FAM20C: variants seen among roughly 807,000 people sequenced by gnomAD.
The protein encoded by FAM20C is FAM20C golgi associated secretory pathway kinase, also known as extracellular serine/threonine protein kinase FAM20C.
FAM20C carries 40 observed loss-of-function variants against 51.5 expected under a neutral mutation model. That is an observed-to-expected ratio of 0.78 (90% CI 0.60 to 1.01). FAM20C has a LOEUF of 1.01. Ranked by LOEUF, FAM20C falls within the 50% of genes least tolerant of loss-of-function variation. The pLI, the probability that FAM20C is intolerant of heterozygous loss-of-function variation, is 0.00. For synonymous variants in FAM20C, 406 were observed against 380.6 expected, an observed-to-expected ratio of 1.07 and a Z score of -0.78; for missense variants, 861 against 844.7, an observed-to-expected ratio of 1.02 and a Z score of -0.24.
At position 192,864 on chromosome 7, in the gene FAM20C, C is replaced by G. The variant is rs1785624726; in HGVS notation, c.-336C>G. On this transcript the variant is annotated 5_prime_UTR_variant, in exon 1 of 10. Coordinates refer to ENST00000313766, the MANE Select transcript of FAM20C (RefSeq NM_020223.4). ...ATGGACCCACACGCCCGATGAGCCCCGCGCCGGCGGCTGCGAGCGCCGAGC... is the reference window on the plus strand; with the variant it reads ...ATGGACCCACACGCCCGATGAGCCCGGCGCCGGCGGCTGCGAGCGCCGAGC... 1 of 148,396 alleles carries G rather than the reference C, an allele frequency of 6.7e-6. No homozygotes were observed. Among genetic ancestry groups the G allele is most frequent in the Non-Finnish European group, 1.5e-5 (1 of 66,644 alleles). 9.2% of individuals were successfully genotyped at this position (148,396 alleles called of 1,614,324 possible).
intron 3 of FAM20C, among the ~76,000 whole-genome samples, chr7:213,201 T>C (rs550161098): frequency 1.7e-4 from 23 of 133,146 alleles, no homozygotes; most frequent in East Asian, 4.4e-4. Flanking sequence ...GCTGTGGAGT[T>C]GTGCAGTGTG....
chr7:215,231 G>GC (rs912293006), intron 3 of FAM20C, among the ~76,000 whole-genome samples: 6 of 124,672 alleles, frequency 4.8e-5, no homozygotes, highest in South Asian at 5.6e-4. Flanking sequence ...CTCCAGCTGG[G>GC]GGGGGGAGCA....
Position 256,907 on chromosome 7 carries a change from G to A in FAM20C, c.1364-98G>A, listed in dbSNP as rs906739471. On this transcript the variant is annotated intron_variant, in intron 7 of 9. Coordinates refer to ENST00000313766, the MANE Select transcript of FAM20C (RefSeq NM_020223.4). Reference sequence around the variant, plus strand: ...AGGGGCCAGATTGCTTAGAGGTCACGCTGGCAGGAGGAGACGCCGCTCTGC... The same window carrying A: ...AGGGGCCAGATTGCTTAGAGGTCACACTGGCAGGAGGAGACGCCGCTCTGC... 5.6e-6 allele frequency: 8 copies of A among 1,439,054 alleles called. No individual in the cohort carries two copies. In the East Asian group the frequency reaches 7.4e-5, roughly 13 times the overall value. The allele number at this position is 1,439,054 out of a possible 1,614,324, so 89.1% of individuals were successfully genotyped here.
intron 2 of FAM20C, among the ~76,000 whole-genome samples, chr7:205,803 G>T (rs1460523997): frequency 6.6e-6 from 1 of 152,030 alleles, no homozygotes; most frequent in African/African-American, 2.4e-5. Flanking sequence ...GGAGGATTCA[G>T]TGTCCTCGGG....
chr7:202,528 T>C (rs1192964080), intron 2 of FAM20C, among the ~76,000 whole-genome samples: 34 of 113,744 alleles, frequency 3.0e-4, no homozygotes, highest in African/African-American at 6.7e-4. Flanking sequence ...GAATGGGGCT[T>C]GTGGACATCT....
At chr7:210,893 G>T (rs1786675811) in intron 3 of FAM20C, among the ~76,000 whole-genome samples, 1 of 152,180 alleles carries the variant, frequency 6.6e-6, no homozygotes, top group Non-Finnish European at 1.5e-5. Context: ...CGTCTCGTGG[G>T]CACTCGGTAG....
At chr7:211,304 C>G (rs1335960365) in intron 3 of FAM20C, among the ~76,000 whole-genome samples, 1 of 150,386 alleles carries the variant, frequency 6.6e-6, no homozygotes, top group Non-Finnish European at 1.5e-5. Context: ...TTAGACATCT[C>G]CCAGCCTCCT....
At chr7:243,944 A>ATTATTATTATTATT (rs1554254465) in intron 3 of FAM20C, among the ~76,000 whole-genome samples, 143 of 136,834 alleles carry the variant, frequency 1.0e-3, no homozygotes, top group African/African-American at 3.6e-3. Context: ...TAATAATAAT[A>ATTATTATTATTATT]ATTATTATTA....
At chr7:245,324 T>A (rs1438533004) in intron 3 of FAM20C, among the ~76,000 whole-genome samples, 1 of 152,174 alleles carries the variant, frequency 6.6e-6, no homozygotes, top group Non-Finnish European at 1.5e-5. Context: ...CCTGGAAAGG[T>A]CACCAGAGTT....
chr7:226,631 C>T (rs1422018935), intron 3 of FAM20C, among the ~76,000 whole-genome samples: 1 of 152,112 alleles, frequency 6.6e-6, no homozygotes, highest in African/African-American at 2.4e-5. Context: ...GGCGGCCGCT[C>T]CACCCCACTG....
chr7:251,828 A>G (rs537988629), intron 5 of FAM20C, among the ~76,000 whole-genome samples: 6 of 152,252 alleles, frequency 3.9e-5, no homozygotes, highest in Admixed American at 1.3e-4. Context: ...CTGAAATCCA[A>G]GACTTCCTCG....
chr7:209,254 A>G (rs1003860346), intron 3 of FAM20C, among the ~76,000 whole-genome samples: 3 of 152,186 alleles, frequency 2.0e-5, no homozygotes, highest in South Asian at 2.1e-4. Context: ...TATTTTAAAC[A>G]AGTAACCTGG....
At chr7:217,371 ACTG>A (rs1316543468) in intron 3 of FAM20C, among the ~76,000 whole-genome samples, 105 of 6,050 alleles carry the variant, frequency 0.017, no homozygotes, top group African/African-American at 0.048. Context: ...GTGGTCACAG[ACTG>A]GCTGTGGGTG....
In FAM20C at chr7:248,318, C is replaced by G. The variant is rs1335845666; in HGVS notation, c.960C>G (p.Ile320Met). ...TTCCCCGCCCGTTTCTTGCCAGGATCCTGGACTTCCGCCGGGTCCCTCCCG... is the reference window on the plus strand; with the variant it reads ...TTCCCCGCCCGTTTCTTGCCAGGATGCTGGACTTCCGCCGGGTCCCTCCCG... ...AEIAAFHLDR[I>M]LDFRRVPPVA... Residue 320 changes from isoleucine to methionine, a missense_variant, in exon 5 of 10, where the codon ATC becomes ATG. This residue lies in a region of FAM20C where 561 missense variants were observed against 499.8 expected (regional missense o/e 1.12). Coordinates refer to ENST00000313766, the MANE Select transcript of FAM20C (RefSeq NM_020223.4). 6.5e-7 allele frequency: 1 copy of G among 1,532,188 alleles called. No homozygotes were observed. The highest frequency in any genetic ancestry group is 8.7e-7 in the Non-Finnish European group (1 of 1,144,902). 94.9% of individuals were successfully genotyped at this position (1,532,188 alleles called of 1,614,324 possible).
chr7:252,591 A>G lies in FAM20C; in HGVS notation c.1073-3258A>G, dbSNP rs186208044. On this transcript the variant is annotated intron_variant, in intron 5 of 9. Transcript: ENST00000313766. ...CCCTCGGCCTCCCGTGGCCTGAGTGACCCTCCCGTGGGGTCAATCAGAAAA... is the reference window on the plus strand; with the variant it reads ...CCCTCGGCCTCCCGTGGCCTGAGTGGCCCTCCCGTGGGGTCAATCAGAAAA... 4.0e-3 allele frequency among the ~76,000 whole-genome samples: 616 copies of G among 152,200 alleles called. 3 individuals carry two copies. The highest frequency in any genetic ancestry group is 6.0e-3 in the Non-Finnish European group (408 of 67,990).
chr7:256,353 C>T (rs1222434827), intron 6 of FAM20C: 1 of 569,106 alleles, frequency 1.8e-6, no homozygotes, highest in Non-Finnish European at 3.1e-6. Flanking sequence ...GTTCTTTCCG[C>T]CCCACGTTGT....
At chr7:243,944 A>AATAATAATAATT (rs771341264) in intron 3 of FAM20C, among the ~76,000 whole-genome samples, 22 of 136,844 alleles carry the variant, frequency 1.6e-4, no homozygotes, top group African/African-American at 2.5e-4. Context: ...TAATAATAAT[A>AATAATAATAATT]ATTATTATTA....
intron 1 of FAM20C, 23 bp downstream of exon 1, chr7:193,827 C>G: frequency 6.5e-7 from 1 of 1,549,568 alleles, no homozygotes; most frequent in Non-Finnish European, 8.7e-7. Context: ...TGGCAGGTGC[C>G]CACCCCCAAG....
At position 256,741 on chromosome 7, in the gene FAM20C, G is replaced by A. The variant is rs1334830952; in HGVS notation, c.1341G>A (p.Met447Ile). Residue 447 changes from methionine to isoleucine, a missense_variant, in exon 7 of 10, where the codon ATG (methionine) becomes ATA (isoleucine). Physicochemically the swap from Met to Ile is conservative, Grantham distance 10. Transcript: ENST00000313766. Reference sequence around the variant, plus strand: ...ACCGCATCCTGGACGTCATGGACATGACGATCTTCGACTTCCTCATGGGTA... The same window carrying A: ...ACCGCATCCTGGACGTCATGGACATAACGATCTTCGACTTCCTCATGGGTA... ...SSHRILDVMD[M>I]TIFDFLMGNM... The A allele has an allele frequency of 1.3e-6, 2 of 1,536,184 alleles. No homozygotes were observed. Among genetic ancestry groups the A allele is most frequent in the Non-Finnish European group, 1.7e-6 (2 of 1,146,840 alleles).
Sources: gnomAD v4.1 joint callset for allele counts (sites outside exome capture counted in the v4.1 genomes callset) on GRCh38, gnomAD v4.1.1 for gene constraint, gnomAD v4.1.1 regional missense constraint, MANE v1.5 for transcripts, NCBI Gene and HGNC (gene_info 2026-07-23, HGNC 2026-07-21) for gene names.